Variants in ZSCAN25 observed in about 807,000 individuals in gnomAD.
The protein encoded by ZSCAN25 is zinc finger and SCAN domain containing 25.
Under a neutral mutation model 38.7 loss-of-function variants are expected in ZSCAN25, and 27 were observed. The observed-to-expected ratio is 0.70, with a 90% CI of 0.51 to 0.96. The LOEUF is 0.96. Among genes scored for constraint, ZSCAN25 ranks in the 40% least tolerant of loss-of-function variants. The pLI is 0.00. For missense variants in ZSCAN25, 637 were observed against 705.9 expected (o/e 0.90, Z 1.11); for synonymous variants, 273 against 277.7 (o/e 0.98, Z 0.17).
the ZSCAN25 span, chr7:99,717,481 A>T: frequency 1.9e-5 from 30 of 1,609,682 alleles, 1 homozygote; most frequent in South Asian, 3.3e-4. Flanking sequence ...TCCCCACCTG[A>T]TTCATTCTTT....
chr7:99,673,657 C>T, the ZSCAN25 span, among the ~76,000 whole-genome samples: 1 of 152,172 alleles, frequency 6.6e-6, no homozygotes, highest in African/African-American at 2.4e-5. Flanking sequence ...TTCAAAAGCA[C>T]ATGTTAAATT....
chr7:99,715,428 G>T, the ZSCAN25 span: 1 of 334,922 alleles, frequency 3.0e-6, no homozygotes, highest in Non-Finnish European at 5.6e-6. Context: ...ACAAATTCAT[G>T]AACTAGAGAA....
the ZSCAN25 span, among the ~76,000 whole-genome samples, chr7:99,680,186 C>G: frequency 6.6e-6 from 1 of 152,154 alleles, no homozygotes; most frequent in Non-Finnish European, 1.5e-5. Flanking sequence ...ATCAGAAACT[C>G]AAGTGGAGCC....
chr7:99,622,897 C>A (rs557706827), intron 6 of ZSCAN25, among the ~76,000 whole-genome samples: 3 of 152,348 alleles, frequency 2.0e-5, no homozygotes, highest in Admixed American at 2.0e-4. Flanking sequence ...GGCTCCGCCT[C>A]CTGGGTTCAC....
the ZSCAN25 span, among the ~76,000 whole-genome samples, chr7:99,643,450 T>C: frequency 3.3e-5 from 5 of 152,154 alleles, no homozygotes; most frequent in African/African-American, 1.2e-4. Flanking sequence ...ATGTTCATTT[T>C]TTTTTCCATG....
the ZSCAN25 span, among the ~76,000 whole-genome samples, chr7:99,703,211 T>A: frequency 6.6e-6 from 1 of 152,238 alleles, no homozygotes; most frequent in South Asian, 2.1e-4. Flanking sequence ...TGGAGGGTCT[T>A]TTTCAAATAT....
At chr7:99,707,981 C>A in the ZSCAN25 span, 1 of 1,613,674 alleles carries the variant, frequency 6.2e-7, no homozygotes, top group Non-Finnish European at 8.5e-7. Flanking sequence ...GAACCTGGTT[C>A]CATATTGGTA....
At chr7:99,646,370 T>C in the ZSCAN25 span, among the ~76,000 whole-genome samples, 1 of 152,238 alleles carries the variant, frequency 6.6e-6, no homozygotes, top group Non-Finnish European at 1.5e-5. Context: ...ATTTTATTTG[T>C]GGCTATTGAT....
At chr7:99,636,212 G>A (rs1207196367), downstream of ZSCAN25, among the ~76,000 whole-genome samples, 1 of 152,080 alleles carries the variant, frequency 6.6e-6, no homozygotes, top group Admixed American at 6.6e-5. Context: ...AAAACACTAA[G>A]GATTACATTT....
the ZSCAN25 span, among the ~76,000 whole-genome samples, chr7:99,736,716 T>C: frequency 6.6e-6 from 1 of 152,188 alleles, no homozygotes. Flanking sequence ...CAGAAACTGA[T>C]ACTCACCCCA....
the ZSCAN25 span, chr7:99,660,707 C>T: frequency 1.9e-6 from 3 of 1,599,316 alleles, no homozygotes; most frequent in Non-Finnish European, 2.6e-6. Context: ...CAACGTACAA[C>T]ATCACAGCTT....
the ZSCAN25 span, chr7:99,663,677 C>A: frequency 3.1e-5 from 32 of 1,032,450 alleles, no homozygotes; most frequent in East Asian, 1.5e-3. Context: ...AAACTTTATC[C>A]TTTGACAATT....
the ZSCAN25 span, among the ~76,000 whole-genome samples, chr7:99,702,557 A>G: frequency 6.6e-6 from 1 of 152,208 alleles, no homozygotes; most frequent in Non-Finnish European, 1.5e-5. Flanking sequence ...AGTTCACTCC[A>G]GGTGTGTGGA....
chr7:99,629,921 G>C lies in ZSCAN25; in HGVS notation c.1536G>C (p.Lys512Asn). The stretch of plus-strand genomic sequence containing the variant: ...ACCAGAGAATCCATACAGGGGAGAA[G>C]CCCTACCACTGTCCTGCCTGCGGGC... Reference protein sequence around the residue: ...VRHQRIHTGEKPYHCPACGRS... With the variant: ...VRHQRIHTGENPYHCPACGRS... Residue 512 changes from lysine (K) to asparagine (N), a missense_variant, in exon 8 of 8, where the codon AAG becomes AAC. Coordinates refer to ENST00000394152, the MANE Select transcript of ZSCAN25 (RefSeq NM_145115.3). This position sits in a 1 kb window ranked among gnomAD's most constrained non-coding sequence, Gnocchi z 5.6. 1 of 1,614,152 alleles carries C rather than the reference G, an allele frequency of 6.2e-7. No individual in the cohort carries two copies. Among genetic ancestry groups the C allele is most frequent in the Non-Finnish European group, 8.5e-7 (1 of 1,180,004 alleles).
the ZSCAN25 span, among the ~76,000 whole-genome samples, chr7:99,680,314 C>T: frequency 1.3e-5 from 2 of 152,284 alleles, no homozygotes; most frequent in South Asian, 2.1e-4. Flanking sequence ...CACGAAATTC[C>T]CTCTGCCTGG....
the ZSCAN25 span, chr7:99,648,480 TGA>T: frequency 8.6e-7 from 1 of 1,157,210 alleles, no homozygotes; most frequent in Non-Finnish European, 1.2e-6. Context: ...AGAAAAAATA[TGA>T]CAAAAATGCT....
the ZSCAN25 span, among the ~76,000 whole-genome samples, chr7:99,637,965 G>T: frequency 6.6e-6 from 1 of 152,164 alleles, no homozygotes; most frequent in African/African-American, 2.4e-5. Context: ...ACCAAGAACT[G>T]CTGTATATCC....
the ZSCAN25 span, chr7:99,685,031 G>A: frequency 1.0e-5 from 8 of 795,574 alleles, no homozygotes; most frequent in Non-Finnish European, 1.7e-5. Context: ...GCAGTACAGT[G>A]GATGAAGCCC....
the ZSCAN25 span, among the ~76,000 whole-genome samples, chr7:99,708,404 C>A: frequency 2.6e-5 from 4 of 152,006 alleles, no homozygotes; most frequent in East Asian, 7.7e-4. Context: ...TTTGCACTTT[C>A]CTTCTCCTCT....
Sources: allele counts gnomAD v4.1 joint callset (sites outside exome capture counted in the v4.1 genomes callset), GRCh38; gene constraint gnomAD v4.1.1; non-coding constraint Gnocchi (gnomAD v3.1); transcripts MANE v1.5; gene names NCBI Gene and HGNC (gene_info 2026-07-23, HGNC 2026-07-21).